JARID2: variants seen among roughly 807,000 people sequenced by gnomAD.
JARID2 encodes jumonji and AT-rich interaction domain containing 2.
A neutral mutation model predicts 125.6 loss-of-function variants in JARID2; 21 were observed. The ratio of observed to expected loss-of-function variants is 0.17; its 90% CI spans 0.12 to 0.24. The LOEUF is 0.24. JARID2 is among the 10% of genes least tolerant of loss of function. The pLI is 1.00. For missense variants in JARID2, 1,303 were observed against 1,639.6 expected (o/e 0.79, Z 3.55); for synonymous variants, 736 against 661.6 (o/e 1.11, Z -1.73).
intron 2 of JARID2, among the ~76,000 whole-genome samples, chr6:15,392,680 CTTTTTT>C (rs35429221): frequency 8.3e-6 from 1 of 120,916 alleles, no homozygotes; most frequent in East Asian, 2.4e-4. Flanking sequence ...GATTAAGAGA[CTTTTTT>C]TTTTTTTTTT....
intron 1 of JARID2, among the ~76,000 whole-genome samples, chr6:15,366,821 GT>G (rs1763996122): frequency 6.6e-6 from 1 of 152,002 alleles, no homozygotes; most frequent in East Asian, 1.9e-4. Context: ...TTATCACCAG[GT>G]TGTTATTTAA....
chr6:15,305,103 G>T (rs529880761), intron 1 of JARID2, among the ~76,000 whole-genome samples: 3 of 152,200 alleles, frequency 2.0e-5, no homozygotes, highest in Non-Finnish European at 4.4e-5. Flanking sequence ...TTTCTTGCCT[G>T]CAGTTTCCAG....
chr6:15,294,279 A>C (rs1283486519), intron 1 of JARID2, among the ~76,000 whole-genome samples: 1 of 151,656 alleles, frequency 6.6e-6, no homozygotes, highest in Admixed American at 6.6e-5. Flanking sequence ...TGCAGCCTCC[A>C]CCTCCCGGGT....
At chr6:15,350,609 C>T (rs1763389492) in intron 1 of JARID2, among the ~76,000 whole-genome samples, 1 of 152,116 alleles carries the variant, frequency 6.6e-6, no homozygotes, top group Non-Finnish European at 1.5e-5. Context: ...GAATTTGGTC[C>T]AGGTTGTTCA....
chr6:15,388,547 G>A (rs1764875833), intron 2 of JARID2, among the ~76,000 whole-genome samples: 1 of 150,360 alleles, frequency 6.7e-6, no homozygotes, highest in Non-Finnish European at 1.5e-5. Context: ...GAGGTGTGGG[G>A]ATGAGGAGAG....
chr6:15,384,134 T>G (rs1357622859), intron 2 of JARID2, among the ~76,000 whole-genome samples: 1 of 152,176 alleles, frequency 6.6e-6, no homozygotes, highest in African/African-American at 2.4e-5. Context: ...GATTTTCTTC[T>G]GTGGGCCAGG....
At chr6:15,309,964 G>A (rs1761959986) in intron 1 of JARID2, among the ~76,000 whole-genome samples, 1 of 152,108 alleles carries the variant, frequency 6.6e-6, no homozygotes, top group African/African-American at 2.4e-5. Flanking sequence ...AAAAAAAATG[G>A]TACCTAGAAA....
chr6:15,403,576 T>C (rs1327686580), intron 2 of JARID2, among the ~76,000 whole-genome samples: 1 of 152,180 alleles, frequency 6.6e-6, no homozygotes, highest in Non-Finnish European at 1.5e-5. Flanking sequence ...TACTTGTTTC[T>C]GAAATAGGAA....
intron 7 of JARID2, among the ~76,000 whole-genome samples, chr6:15,498,925 G>A (rs771120548): frequency 1.3e-5 from 2 of 152,194 alleles, no homozygotes; most frequent in Non-Finnish European, 2.9e-5. Flanking sequence ...AGACAGGAGG[G>A]AAACATTCCA....
At chr6:15,406,433 A>C (rs909623361) in intron 2 of JARID2, among the ~76,000 whole-genome samples, 1 of 152,180 alleles carries the variant, frequency 6.6e-6, no homozygotes, top group Non-Finnish European at 1.5e-5. Flanking sequence ...ACTCTGTCTC[A>C]AGGTCGGGGG....
At chr6:15,417,695 T>C (rs929498509) in intron 3 of JARID2, among the ~76,000 whole-genome samples, 3 of 152,128 alleles carry the variant, frequency 2.0e-5, no homozygotes, top group Non-Finnish European at 4.4e-5. Flanking sequence ...TTAGCTGTGA[T>C]CGTGCCATCA....
intron 1 of JARID2, chr6:15,248,874 C>T (rs982754441): frequency 3.3e-5 from 32 of 983,130 alleles, no homozygotes; most frequent in Non-Finnish European, 3.7e-5. Flanking sequence ...CGGGGGCTGC[C>T]GCAGAGCCGG....
At chr6:15,333,403 T>A (rs565120218) in intron 1 of JARID2, among the ~76,000 whole-genome samples, 1 of 152,354 alleles carries the variant, frequency 6.6e-6, no homozygotes, top group South Asian at 2.1e-4. Flanking sequence ...ATGTCCTTTC[T>A]GTCACTGGAT....
Position 15,300,722 on chromosome 6 carries a change from T to TGTGAGA in JARID2, c.45+54139_45+54140insTGAGAG, listed in dbSNP as rs1246745065. ...GTGTGTGTGTGTGTGTGTGTGTGTG[T>TGTGAGA]GAGAGAGAGAGAGAGAGAGAGAGAG... On this transcript the variant is annotated intron_variant, in intron 1 of 17. Coordinates refer to ENST00000341776, the MANE Select transcript of JARID2 (RefSeq NM_004973.4). Among the ~76,000 whole-genome samples, 324 of 111,150 alleles carry TGTGAGA rather than the reference T, an allele frequency of 2.9e-3. 1 individual carries two copies. Among genetic ancestry groups the TGTGAGA allele is most frequent in the South Asian group, 5.9e-3 (19 of 3,244 alleles). 72.9% of individuals were successfully genotyped at this position (111,150 alleles called of 152,430 possible).
At chr6:15,494,751 G>T (rs969894683) in intron 6 of JARID2, among the ~76,000 whole-genome samples, 1 of 152,146 alleles carries the variant, frequency 6.6e-6, no homozygotes, top group African/African-American at 2.4e-5. Context: ...CCAGGCCTAG[G>T]TTTAGTACAA....
intron 1 of JARID2, among the ~76,000 whole-genome samples, chr6:15,267,139 C>G (rs1760116161): frequency 6.6e-6 from 1 of 152,172 alleles, no homozygotes; most frequent in South Asian, 2.1e-4. Context: ...TCTTCTTTGG[C>G]TGTGGGGAGA....
intron 1 of JARID2, among the ~76,000 whole-genome samples, chr6:15,312,140 TC>T (rs60183907): frequency 0.032 from 4,852 of 152,242 alleles, 129 homozygotes; most frequent in South Asian, 0.11. Flanking sequence ...ACTGCAGCCT[TC>T]ACCTCCCAGG....
At chr6:15,276,058 A>G (rs900796679) in intron 1 of JARID2, among the ~76,000 whole-genome samples, 1 of 152,214 alleles carries the variant, frequency 6.6e-6, no homozygotes, top group African/African-American at 2.4e-5. Context: ...GTTAGAAGGG[A>G]AATTGCTTTG....
At chr6:15,431,199 A>G (rs1463146431) in intron 3 of JARID2, among the ~76,000 whole-genome samples, 1 of 152,204 alleles carries the variant, frequency 6.6e-6, no homozygotes, top group Non-Finnish European at 1.5e-5. Context: ...GTGCTGGGAT[A>G]AATAGAGCCC....
Sources: allele counts gnomAD v4.1 joint callset (sites outside exome capture counted in the v4.1 genomes callset), GRCh38; gene constraint gnomAD v4.1.1; transcripts MANE v1.5; gene names NCBI Gene and HGNC (gene_info 2026-07-23, HGNC 2026-07-21).